Variants in ADAM22 observed in about 807,000 individuals in gnomAD.
The protein encoded by ADAM22 is disintegrin and metalloproteinase domain-containing protein 22.
In ADAM22, 65 loss-of-function variants were observed where a neutral mutation model predicts 144.6. That is an observed-to-expected ratio of 0.45 (90% CI 0.37 to 0.55). The LOEUF is 0.55. Among genes scored for constraint, ADAM22 ranks in the 20% least tolerant of loss-of-function variants. The pLI, the probability that ADAM22 is intolerant of heterozygous loss-of-function variation, is 0.00. For synonymous variants in ADAM22, 391 were observed against 412.6 expected, an observed-to-expected ratio of 0.95 and a Z score of 0.63; for missense variants, 974 against 1,184.9, an observed-to-expected ratio of 0.82 and a Z score of 2.61.
At chr7:88,088,397 T>C (rs1277658791) in intron 4 of ADAM22, among the ~76,000 whole-genome samples, 1 of 152,116 alleles carries the variant, frequency 6.6e-6, no homozygotes, top group Non-Finnish European at 1.5e-5. Context: ...TAGATTCCTT[T>C]TGTGCTCATT....
intron 14 of ADAM22, among the ~76,000 whole-genome samples, chr7:88,141,827 G>A (rs551795975): frequency 2.6e-5 from 4 of 151,742 alleles, no homozygotes; most frequent in South Asian, 2.1e-4. Flanking sequence ...TTATGCTTTC[G>A]TTATATCCTG....
At chr7:88,081,563 A>G (rs1447682168) in intron 4 of ADAM22, among the ~76,000 whole-genome samples, 1 of 151,552 alleles carries the variant, frequency 6.6e-6, no homozygotes, top group African/African-American at 2.4e-5. Context: ...CCCTGTTTGC[A>G]GATGACATGA....
intron 3 of ADAM22, among the ~76,000 whole-genome samples, chr7:88,043,484 CAAAA>C (rs537365074): frequency 1.1e-5 from 1 of 92,178 alleles, no homozygotes. Context: ...GGCTCAGTAT[CAAAA>C]AAAAAAAAAA....
At chr7:88,149,106 A>G (rs1450182978) in intron 18 of ADAM22, 49 bp downstream of exon 18, 6 of 1,327,422 alleles carry the variant, frequency 4.5e-6, no homozygotes, top group South Asian at 1.2e-5. Flanking sequence ...AAGTGGGGGT[A>G]TCTTTAGTGC....
At chr7:88,053,939 T>C (rs1401826980) in intron 3 of ADAM22, among the ~76,000 whole-genome samples, 2 of 152,134 alleles carry the variant, frequency 1.3e-5, no homozygotes, top group Non-Finnish European at 2.9e-5. Flanking sequence ...AAGATCAGCC[T>C]GGCCAACATG....
chr7:88,069,074 TCTTG>T (rs1289811947), intron 3 of ADAM22, among the ~76,000 whole-genome samples: 1 of 152,050 alleles, frequency 6.6e-6, no homozygotes, highest in Admixed American at 6.6e-5. Flanking sequence ...TTGGATTCCC[TCTTG>T]CTTCTGTGTG....
rs1024553206 is a variant in ADAM22 at position 88,197,223 on chromosome 7, T to G, written c.*732T>G. 2 of 152,320 alleles carry G rather than the reference T, an allele frequency of 1.3e-5. No individual in the cohort carries two copies. The highest frequency in any genetic ancestry group is 4.8e-5 in the African/African-American group (2 of 41,462). 9.4% of individuals were successfully genotyped at this position (152,320 alleles called of 1,614,324 possible). On this transcript the variant is annotated 3_prime_UTR_variant, in exon 32 of 32. Coordinates refer to ENST00000413139, the MANE Select transcript of ADAM22 (RefSeq NM_001324418.2). ...ATCATCGTCATCCATCCAGTGATCT[T>G]CAAAGACTATAAGCAGGTAATGTAA...
intron 2 of ADAM22, among the ~76,000 whole-genome samples, chr7:87,975,111 A>ATT (rs1035045408): frequency 9.9e-5 from 15 of 152,168 alleles, no homozygotes; most frequent in African/African-American, 2.6e-4. Flanking sequence ...TTTAGGGGTC[A>ATT]TTATTTTCCC....
intron 4 of ADAM22, among the ~76,000 whole-genome samples, chr7:88,101,327 G>A (rs1240532966): frequency 1.3e-5 from 2 of 152,158 alleles, no homozygotes; most frequent in Non-Finnish European, 2.9e-5. Flanking sequence ...TCTAGGACCA[G>A]TGCCCATGGA....
At chr7:87,980,136 T>C (rs1386814526) in intron 3 of ADAM22, among the ~76,000 whole-genome samples, 3 of 152,170 alleles carry the variant, frequency 2.0e-5, no homozygotes, top group African/African-American at 7.2e-5. Flanking sequence ...AATACTGGGG[T>C]TGAAGCATAA....
At chr7:87,983,644 C>T (rs2129450007) in intron 3 of ADAM22, among the ~76,000 whole-genome samples, 1 of 152,098 alleles carries the variant, frequency 6.6e-6, no homozygotes, top group African/African-American at 2.4e-5. Flanking sequence ...ATTACCATTT[C>T]CTACCTTAAT....
intron 3 of ADAM22, among the ~76,000 whole-genome samples, chr7:87,980,176 A>G (rs1852966271): frequency 6.6e-6 from 1 of 151,814 alleles, no homozygotes; most frequent in African/African-American, 2.4e-5. Context: ...AGAAACCTCT[A>G]TTGGGCATTT....
In ADAM22 at chr7:88,165,930, C is replaced by T; in HGVS notation, c.2175C>T (p.Ile725=). ...ACAATGATGATGCAAAGACTGGTAT[C>T]ACTCTGTCTGGCAATGGTAAGTACT... ...FPHNDDAKTG[I]TLSGNGVAGT... Residue 725 remains isoleucine (I), a synonymous_variant, in exon 24 of 32, where the codon ATC becomes ATT. Transcript: ENST00000413139. 1 of 1,609,664 alleles carries T rather than the reference C, an allele frequency of 6.2e-7. No individual in the cohort carries two copies. Among genetic ancestry groups the T allele is most frequent in the Non-Finnish European group, 8.5e-7 (1 of 1,177,838 alleles).
At chr7:88,133,399 T>TAAAA (rs1292715037) in intron 12 of ADAM22, among the ~76,000 whole-genome samples, 3 of 140,324 alleles carry the variant, frequency 2.1e-5, no homozygotes, top group African/African-American at 7.7e-5. Flanking sequence ...AATAAATAAA[T>TAAAA]AAAATTAAAA....
intron 2 of ADAM22, among the ~76,000 whole-genome samples, chr7:87,946,604 G>C (rs563027797): frequency 1.3e-5 from 2 of 152,292 alleles, no homozygotes; most frequent in Admixed American, 1.3e-4. Context: ...TTATTGAAGA[G>C]GGAGTTCTTT....
rs1854573852 is a variant in ADAM22, at chr7:87,984,881, A to C, written c.323+6469A>C. On this transcript the variant is annotated intron_variant, in intron 3 of 31. Coordinates refer to ENST00000413139, the MANE Select transcript of ADAM22 (RefSeq NM_001324418.2). ...TTTTTAGTGGAAACAGGGTTTCACC[A>C]TGTTGCACAGGCTGGTTTCGAGCTC... Among the ~76,000 whole-genome samples, 4 of 151,974 alleles carry C rather than the reference A, an allele frequency of 2.6e-5. No individual in the cohort carries two copies. In the South Asian group the frequency reaches 6.2e-4, roughly 24 times the overall value.
In ADAM22 at chr7:87,934,805, G is replaced by A. The variant is rs1369206589; in HGVS notation, c.86-221G>A. 5.8e-6 allele frequency: 4 copies of A among 686,976 alleles called. No individual in the cohort carries two copies. In the Admixed American group the frequency reaches 1.1e-4, roughly 19 times the overall value. 42.6% of individuals were successfully genotyped at this position (686,976 alleles called of 1,614,324 possible). On this transcript the variant is annotated intron_variant, in intron 1 of 31. Transcript: ENST00000413139. ...GAGGAATGGGGAGAATGGGAAAGGG[G>A]TGCCCTGCTTCTGGGCCCCGCTCCT...
chr7:88,012,038 CT>C (rs35274305), intron 3 of ADAM22, among the ~76,000 whole-genome samples: 78,534 of 137,728 alleles, frequency 0.57, 21,535 homozygotes, highest in East Asian at 0.8. Context: ...GTTTTTTTTT[CT>C]TTTTTTTTTT....
intron 2 of ADAM22, among the ~76,000 whole-genome samples, chr7:87,960,407 T>C (rs1847786020): frequency 6.6e-6 from 1 of 152,004 alleles, no homozygotes; most frequent in Non-Finnish European, 1.5e-5. Context: ...TCTGTGTGTG[T>C]GTGTGTAGAG....
Sources: gnomAD v4.1 joint callset for allele counts (sites outside exome capture counted in the v4.1 genomes callset) on GRCh38, gnomAD v4.1.1 for gene constraint, MANE v1.5 for transcripts, NCBI Gene and HGNC (gene_info 2026-07-23, HGNC 2026-07-21) for gene names.